Variants in TCFL5 observed in about 807,000 individuals in gnomAD.
The protein encoded by TCFL5 is transcription factor-like 5 protein.
TCFL5 carries 9 observed loss-of-function variants against 44.3 expected under a neutral mutation model. That is an observed-to-expected ratio of 0.20 (90% CI 0.12 to 0.35). TCFL5 has a LOEUF of 0.35. Among genes scored for constraint, TCFL5 ranks in the 10% least tolerant of loss-of-function variants. TCFL5 has a pLI of 1.00. For missense variants in TCFL5, 603 were observed against 613.4 expected (o/e 0.98, Z 0.18); for synonymous variants, 319 against 271.6 (o/e 1.17, Z -1.72).
intron 5 of TCFL5, among the ~76,000 whole-genome samples, chr20:62,843,186 T>C (rs1331696776): frequency 1.3e-5 from 2 of 152,204 alleles, no homozygotes; most frequent in South Asian, 2.1e-4. Context: ...GGTTAAGATA[T>C]ATTTAAAAAC....
chr20:62,845,888 CAACA>C, intron 5 of TCFL5: 1 of 1,552,750 alleles, frequency 6.4e-7, no homozygotes, highest in Non-Finnish European at 8.7e-7. Flanking sequence ...TGCCTTCAGT[CAACA>C]AAGAATGAGT....
rs2063683839 is a variant in TCFL5 at position 62,841,917 on chromosome 20, C to CA, written c.*57_*58insT. On this transcript the variant is annotated 3_prime_UTR_variant, in exon 6 of 6. Transcript: ENST00000335351. ...AGCAGAGCTCCAGGGTTGCAGAAGG[C>CA]GTGCACAGGTCACGAAGGAATGGCT... 63 of 1,552,166 alleles carry CA rather than the reference C, an allele frequency of 4.1e-5. No homozygotes were observed. The highest frequency in any genetic ancestry group is 2.2e-4 in the Middle Eastern group (1 of 4,458).
At chr20:62,851,679 G>A (rs1437214405) in intron 5 of TCFL5, 1 of 985,268 alleles carries the variant, frequency 1.0e-6, no homozygotes, top group East Asian at 1.1e-4. Context: ...CAACTCGCAA[G>A]ATGTAAATGT....
chr20:62,860,247 T>C lies in TCFL5; in HGVS notation c.709A>G (p.Lys237Glu), dbSNP rs199644521. 9.3e-6 allele frequency: 15 copies of C among 1,613,736 alleles called. No homozygotes were observed. The Middle Eastern group carries it at 4.9e-4, about 53-fold the overall frequency. The change falls in exon 2 of 6, where the codon AAA (lysine) becomes GAA (glutamate). Residue 237 changes from lysine (K) to glutamate (E), a missense_variant. By Grantham distance (56) the Lys-to-Glu change is moderately conservative. Around this residue, in one of 4 missense-constraint regions of TCFL5, gnomAD observed 540 missense variants for 478.7 expected, o/e 1.13. Coordinates refer to ENST00000335351, the MANE Select transcript of TCFL5 (RefSeq NM_006602.4). ...TTATTTTTCACTAATGCTGTACATT[T>C]GTTTTGTTGCTGAAGAGGAACATTC... Reference protein sequence around the residue: ...LMNVPLQQQNKCTALVKNKTA... With the variant: ...LMNVPLQQQNECTALVKNKTA...
Position 62,859,490 on chromosome 20 carries a change from T to C in TCFL5, c.868A>G (p.Lys290Glu). 6.2e-7 allele frequency: 1 copy of C among 1,613,566 alleles called. No individual in the cohort carries two copies. The highest frequency in any genetic ancestry group is 8.5e-7 in the Non-Finnish European group (1 of 1,179,882). ...SNSCSVLEAAKHQDIGLPRAF... is the reference protein window; with the variant it reads ...SNSCSVLEAAEHQDIGLPRAF... ...CTAGGCAATCCAATATCCTGGTGCT[T>C]GGCAGCTTCAAGTACAGAACATGAG... is the stretch of plus-strand genomic sequence containing the variant. Residue 290 changes from lysine (K) to glutamate (E), a missense_variant, in exon 3 of 6, where the codon AAG becomes GAG. Lys to Glu is a moderately conservative substitution (Grantham distance 56). Around this residue, in one of 4 missense-constraint regions of TCFL5, gnomAD observed 540 missense variants for 478.7 expected, o/e 1.13. Transcript: ENST00000335351.
At chr20:62,843,836 C>A (rs2147243015) in intron 5 of TCFL5, among the ~76,000 whole-genome samples, 1 of 152,342 alleles carries the variant, frequency 6.6e-6, no homozygotes, top group East Asian at 1.9e-4. Context: ...TTTACGGAAT[C>A]CCGCAGGGTG....
intron 2 of TCFL5, 98 bp from the exon 3 acceptor site, chr20:62,859,624 A>T: frequency 8.9e-7 from 1 of 1,126,420 alleles, no homozygotes. Context: ...CAAAACTACT[A>T]ACACGTAATT....
intron 5 of TCFL5, chr20:62,852,685 C>T (rs1265258542): frequency 1.0e-6 from 1 of 985,362 alleles, no homozygotes; most frequent in Non-Finnish European, 1.2e-6. Flanking sequence ...ACCCGGTCCA[C>T]AGAAGTACAG....
rs745684819 is a variant in TCFL5, at chr20:62,844,582, GTTTTT to G, written c.1381-2490_1381-2486del. ...TTCTGTTTTTTTTTGTTTGTTTTTT[GTTTTT>G]TTTTTTTTGAGACCGAGTCTCACTC... On this transcript the variant is annotated intron_variant, in intron 5 of 5. Transcript: ENST00000335351. 2.2e-4 allele frequency among the ~76,000 whole-genome samples: 26 copies of G among 120,562 alleles called. 1 individual carries two copies. The highest frequency in any genetic ancestry group is 4.7e-3 in the Middle Eastern group (1 of 214). 79.1% of individuals were successfully genotyped at this position (120,562 alleles called of 152,430 possible).
At chr20:62,858,984 C>A (rs2063941805) in intron 3 of TCFL5, among the ~76,000 whole-genome samples, 1 of 152,190 alleles carries the variant, frequency 6.6e-6, no homozygotes, top group Non-Finnish European at 1.5e-5. Flanking sequence ...TAGCAGCCAC[C>A]TATCCAAAGG....
intron 5 of TCFL5, chr20:62,852,067 A>G (rs988652018): frequency 7.6e-5 from 75 of 984,888 alleles, no homozygotes; most frequent in Non-Finnish European, 8.4e-5. Context: ...CGGCCTCCCA[A>G]GTGCTGGGAT....
At chr20:62,855,019 C>G (rs548040474) in intron 4 of TCFL5, among the ~76,000 whole-genome samples, 70 of 152,310 alleles carry the variant, frequency 4.6e-4, no homozygotes, top group African/African-American at 1.7e-3. Context: ...CGGTGTAAGG[C>G]TTTCCACATA....
chr20:62,861,443 G>T lies in TCFL5; in HGVS notation c.228C>A (p.Arg76=). 8.5e-7 allele frequency: 1 copy of T among 1,169,622 alleles called. No homozygotes were observed. Among genetic ancestry groups the T allele is most frequent in the Admixed American group, 3.5e-5 (1 of 28,766 alleles). The allele number at this position is 1,169,622 out of a possible 1,614,324, so 72.5% of individuals were successfully genotyped here. A position where few individuals can be genotyped will look rare whatever the true frequency, so the allele number is the denominator to read the frequency against. ...CCGCCGCCAGCAGCGCCGAGTTGAG[G>T]CGCGTCTCGAGCTCGCCGTCAGCCG... ...EAAADGELET[R]LNSALLAAAG... The change falls in exon 1 of 6, where the codon CGC becomes CGA. Residue 76 remains arginine (R), a synonymous_variant. Coordinates refer to ENST00000335351, the MANE Select transcript of TCFL5 (RefSeq NM_006602.4). The surrounding 1 kb of genome is among the most constrained non-coding windows in gnomAD (Gnocchi z 4.0).
chr20:62,843,020 C>T (rs1225267281), intron 5 of TCFL5, among the ~76,000 whole-genome samples: 1 of 152,138 alleles, frequency 6.6e-6, no homozygotes, highest in Admixed American at 6.5e-5. Context: ...TCAGTCTCAA[C>T]CTCCCGAAGG....
chr20:62,852,613 C>T lies in TCFL5; in HGVS notation c.1380+1403G>A, dbSNP rs186551494. The stretch of plus-strand genomic sequence containing the variant: ...ACTGCATATGCTGGCGCTAACACGC[C>T]GGCTCCTCCCTAGTCACCCAGTCCA... On this transcript the variant is annotated intron_variant, in intron 5 of 5. Coordinates refer to ENST00000335351, the MANE Select transcript of TCFL5 (RefSeq NM_006602.4). 332 of 985,492 alleles carry T rather than the reference C, an allele frequency of 3.4e-4. 1 individual carries two copies. The African/African-American group carries it at 4.7e-3, about 14-fold the overall frequency. The allele number at this position is 985,492 out of a possible 1,614,324, so 61.0% of individuals were successfully genotyped here.
At chr20:62,844,964 C>A (rs2063722950) in intron 5 of TCFL5, 1 of 985,204 alleles carries the variant, frequency 1.0e-6, no homozygotes, top group African/African-American at 1.7e-5. Context: ...GACACAAGCG[C>A]CATGCTGCCA....
At position 62,861,366 on chromosome 20, in the gene TCFL5, G is replaced by T; in HGVS notation, c.305C>A (p.Ala102Glu). The change falls in exon 1 of 6, where the codon GCG becomes GAG. Residue 102 changes from alanine (A) to glutamate (E), a missense_variant. Around this residue, in one of 4 missense-constraint regions of TCFL5, gnomAD observed 540 missense variants for 478.7 expected, o/e 1.13. Transcript: ENST00000335351. This position sits in a 1 kb window ranked among gnomAD's most constrained non-coding sequence, Gnocchi z 4.0. Reference protein sequence around the residue: ...GGFAAGGQGGAAPVYPVLCPS... With the variant: ...GGFAAGGQGGEAPVYPVLCPS... ...GCACAGCACGGGGTACACGGGCGCC[G>T]CGCCCCCCTGACCGCCCGCCGCGAA... 9.4e-7 allele frequency: 1 copy of T among 1,065,638 alleles called. No homozygotes were observed. Among genetic ancestry groups the T allele is most frequent in the Non-Finnish European group, 1.1e-6 (1 of 885,460 alleles). The allele number at this position is 1,065,638 out of a possible 1,614,324, so 66.0% of individuals were successfully genotyped here.
In TCFL5 at chr20:62,860,254, TTGC is replaced by T. The variant is rs1568797668; in HGVS notation, c.699_701del (p.Gln235del). 4 of 1,613,842 alleles carry T rather than the reference TTGC, an allele frequency of 2.5e-6. No homozygotes were observed. Among genetic ancestry groups the T allele is most frequent in the Non-Finnish European group, 3.4e-6 (4 of 1,179,744 alleles). On this transcript the variant is annotated inframe_deletion, in exon 2 of 6. Coordinates refer to ENST00000335351, the MANE Select transcript of TCFL5 (RefSeq NM_006602.4). ...TCACTAATGCTGTACATTTGTTTTG[TTGC>T]TGAAGAGGAACATTCATTAGTTCAG...
intron 5 of TCFL5, chr20:62,852,182 C>T (rs1358817536): frequency 2.0e-6 from 2 of 985,344 alleles, no homozygotes; most frequent in Non-Finnish European, 2.4e-6. Context: ...CTGCCTGGGT[C>T]AACAGCAGCA....
Sources: gnomAD v4.1 joint callset for allele counts (sites outside exome capture counted in the v4.1 genomes callset) on GRCh38, gnomAD v4.1.1 for gene constraint, gnomAD v4.1.1 regional missense constraint, Gnocchi (gnomAD v3.1) non-coding constraint, MANE v1.5 for transcripts, NCBI Gene and HGNC (gene_info 2026-07-23, HGNC 2026-07-21) for gene names.